ADGRL3: variants seen among roughly 807,000 people sequenced by gnomAD.
ADGRL3 encodes calcium-independent alpha-latrotoxin receptor 3.
ADGRL3 carries 62 observed loss-of-function variants against 153.5 expected under a neutral mutation model. The ratio of observed to expected loss-of-function variants is 0.40; its 90% CI spans 0.33 to 0.50. ADGRL3 has a LOEUF of 0.50. Among genes scored for constraint, ADGRL3 ranks in the 20% least tolerant of loss-of-function variants. The pLI is 0.47. For synonymous variants in ADGRL3, 710 were observed against 672.5 expected (o/e 1.06, Z -0.86); for missense variants, 1,641 against 1,859.4 (o/e 0.88, Z 2.16).
At chr4:61,639,423 A>T (rs1245476814) in intron 5 of ADGRL3, among the ~76,000 whole-genome samples, 1 of 152,168 alleles carries the variant, frequency 6.6e-6, no homozygotes, top group Non-Finnish European at 1.5e-5. Context: ...TATCTCCCAA[A>T]ATAGGATTGA....
chr4:61,645,107 C>T (rs1302439280), intron 5 of ADGRL3, among the ~76,000 whole-genome samples: 8 of 84,936 alleles, frequency 9.4e-5, no homozygotes, highest in South Asian at 5.8e-4. Context: ...GGATTGCAAC[C>T]CCTGCCTTTT....
Position 61,517,612 on chromosome 4 carries a change from G to C in ADGRL3, c.259+94G>C, listed in dbSNP as rs2098505252. 6.0e-6 allele frequency: 4 copies of C among 665,732 alleles called. No homozygotes were observed. In the East Asian group the frequency reaches 1.1e-4, roughly 18 times the overall value. The allele number at this position is 665,732 out of a possible 1,614,324, so 41.2% of individuals were successfully genotyped here. ...GGAAATGCCCGAAATGTGTCTTCTT[G>C]TAAGTTTACTGTCTGCATTCACTTT... On this transcript the variant is annotated intron_variant, in intron 4 of 26. Transcript: ENST00000683033.
intron 4 of ADGRL3, among the ~76,000 whole-genome samples, chr4:61,567,911 A>G (rs192350924): frequency 4.8e-4 from 73 of 152,298 alleles, no homozygotes; most frequent in African/African-American, 1.7e-3. Context: ...CACCATCTGA[A>G]TATTTAATTA....
chr4:61,979,504 A>C, intron 17 of ADGRL3, 59 bp from the exon 18 acceptor site: 2 of 1,413,854 alleles, frequency 1.4e-6, no homozygotes, highest in South Asian at 2.3e-5. Context: ...AGGCCCTTAT[A>C]AAACTTTGTA....
intron 11 of ADGRL3, among the ~76,000 whole-genome samples, chr4:61,903,051 A>G (rs2098673428): frequency 6.6e-6 from 1 of 152,188 alleles, no homozygotes; most frequent in South Asian, 2.1e-4. Flanking sequence ...AGATAAGCGG[A>G]TGGAGATAGC....
At chr4:61,880,770 T>G (rs2098504064) in intron 9 of ADGRL3, among the ~76,000 whole-genome samples, 1 of 152,212 alleles carries the variant, frequency 6.6e-6, no homozygotes, top group Non-Finnish European at 1.5e-5. Context: ...TCACTTGAAT[T>G]CAGGAATCAT....
chr4:61,634,104 C>T lies in ADGRL3; in HGVS notation c.474-42722C>T, dbSNP rs1326175865. ...GAGTATTGTTTTGACACACATACTT[C>T]GACTTGACATCTATTTTACGTACAA... On this transcript the variant is annotated intron_variant, in intron 5 of 26. Transcript: ENST00000683033. Among the ~76,000 whole-genome samples the T allele has an allele frequency of 3.9e-5, 6 of 152,218 alleles. No individual in the cohort carries two copies. The East Asian group carries it at 9.6e-4, about 24-fold the overall frequency.
chr4:61,441,113 T>C (rs536851075), intron 2 of ADGRL3, among the ~76,000 whole-genome samples: 6 of 152,176 alleles, frequency 3.9e-5, no homozygotes, highest in Non-Finnish European at 8.8e-5. Context: ...TCCTCTTAGA[T>C]AATTCCTAAA....
chr4:61,568,860 C>G (rs992205548), intron 4 of ADGRL3, among the ~76,000 whole-genome samples: 27 of 152,108 alleles, frequency 1.8e-4, no homozygotes, highest in African/African-American at 6.3e-4. Context: ...CAAATTTAAT[C>G]TAATCGTTGA....
At chr4:61,998,069 TA>T (rs1560484671) in intron 20 of ADGRL3, 104 bp from the exon 21 acceptor site, 2 of 495,404 alleles carry the variant, frequency 4.0e-6, no homozygotes, top group Non-Finnish European at 7.2e-6. Flanking sequence ...TTTAAAAGTG[TA>T]GTGAGACCTA....
intron 4 of ADGRL3, among the ~76,000 whole-genome samples, chr4:61,536,032 A>C (rs1321843016): frequency 6.6e-6 from 1 of 152,014 alleles, no homozygotes; most frequent in Non-Finnish European, 1.5e-5. Context: ...GGCAATTAGC[A>C]CTATAAACTT....
At chr4:61,248,479 T>C (rs1415135138) in intron 1 of ADGRL3, among the ~76,000 whole-genome samples, 1 of 152,146 alleles carries the variant, frequency 6.6e-6, no homozygotes, top group Non-Finnish European at 1.5e-5. Context: ...TCAGCTCAGC[T>C]AAACAGCAAA....
intron 25 of ADGRL3, among the ~76,000 whole-genome samples, chr4:62,053,895 A>C (rs1262664314): frequency 6.6e-6 from 1 of 151,434 alleles, no homozygotes; most frequent in Non-Finnish European, 1.5e-5. Context: ...TAAATGTCAT[A>C]TTTTTTTCAC....
chr4:61,750,807 A>G (rs1321831907), intron 8 of ADGRL3, among the ~76,000 whole-genome samples: 1 of 152,022 alleles, frequency 6.6e-6, no homozygotes, highest in Non-Finnish European at 1.5e-5. Context: ...AAAAAAAAAA[A>G]AAAAAGTCAA....
chr4:61,614,453 AG>A (rs2091763862), intron 5 of ADGRL3, among the ~76,000 whole-genome samples: 1 of 152,190 alleles, frequency 6.6e-6, no homozygotes, highest in South Asian at 2.1e-4. Context: ...CTTTCACTGC[AG>A]GATGTGAGCA....
chr4:61,298,885 A>G (rs1255295941), intron 1 of ADGRL3, among the ~76,000 whole-genome samples: 2 of 152,174 alleles, frequency 1.3e-5, no homozygotes, highest in Non-Finnish European at 2.9e-5. Flanking sequence ...GATTTATTAG[A>G]GGCTACGATA....
At chr4:61,866,713 G>A (rs1429424908) in intron 9 of ADGRL3, among the ~76,000 whole-genome samples, 1 of 152,108 alleles carries the variant, frequency 6.6e-6, no homozygotes, top group Non-Finnish European at 1.5e-5. Flanking sequence ...TGCTTTCTCT[G>A]AAGACTCTTC....
intron 2 of ADGRL3, among the ~76,000 whole-genome samples, chr4:61,481,036 ACTTAACACACCCC>A: frequency 6.6e-6 from 1 of 152,296 alleles, no homozygotes; most frequent in South Asian, 2.1e-4. Context: ...ATTAAAATGT[ACTTAACACACCCC>A]TAGTAATATA....
chr4:61,800,894 T>C (rs575949487), intron 8 of ADGRL3, among the ~76,000 whole-genome samples: 31 of 152,302 alleles, frequency 2.0e-4, no homozygotes, highest in African/African-American at 7.0e-4. Flanking sequence ...AAAGGTACAC[T>C]TTATAGCAGA....
Sources: gnomAD v4.1 joint callset for allele counts (sites outside exome capture counted in the v4.1 genomes callset) on GRCh38, gnomAD v4.1.1 for gene constraint, MANE v1.5 for transcripts, NCBI Gene and HGNC (gene_info 2026-07-23, HGNC 2026-07-21) for gene names.